The following ALG5 variants were observed in gnomAD, a reference collection of about 807,000 sequenced individuals.
The protein encoded by ALG5 is dolichyl-phosphate beta-glucosyltransferase.
A neutral mutation model predicts 51.8 loss-of-function variants in ALG5; 26 were observed. The ratio of observed to expected loss-of-function variants is 0.50; its 90% CI spans 0.37 to 0.70. ALG5 has a LOEUF of 0.70. Ranked by LOEUF, ALG5 falls within the 30% of genes least tolerant of loss-of-function variation. The pLI is 0.00. For synonymous variants in ALG5, 141 were observed against 136.1 expected, an observed-to-expected ratio of 1.04 and a Z score of -0.25; for missense variants, 311 against 399.3, an observed-to-expected ratio of 0.78 and a Z score of 1.88.
At chr13:36,973,181 C>T (rs1490089417) in intron 6 of ALG5, among the ~76,000 whole-genome samples, 2 of 148,310 alleles carry the variant, frequency 1.3e-5, no homozygotes, top group Non-Finnish European at 3.0e-5. Flanking sequence ...AGAAAAAAGC[C>T]AGGAAAATTC....
intron 4 of ALG5, 63 bp from the exon 5 acceptor site, chr13:36,989,639 T>C (rs189695360): frequency 7.4e-7 from 1 of 1,354,180 alleles, no homozygotes; most frequent in East Asian, 2.5e-5. Context: ...ATATAAGCTG[T>C]GTTTCTTGCT....
intron 6 of ALG5, among the ~76,000 whole-genome samples, chr13:36,984,088 CTTAG>C (rs902105951): frequency 1.3e-4 from 19 of 150,612 alleles, no homozygotes; most frequent in African/African-American, 4.4e-4. Context: ...AATTTGTTTC[CTTAG>C]TTCTGTAATT....
intron 6 of ALG5, among the ~76,000 whole-genome samples, chr13:36,984,784 G>A (rs1278559909): frequency 7.2e-5 from 11 of 152,002 alleles, no homozygotes; most frequent in Non-Finnish European, 5.9e-5. Context: ...GGAGCTCTAC[G>A]TGGCTTTGTT....
chr13:36,962,515 G>A (rs962131250), intron 8 of ALG5, among the ~76,000 whole-genome samples: 4 of 151,884 alleles, frequency 2.6e-5, no homozygotes, highest in East Asian at 3.9e-4. Context: ...AAAACAAACC[G>A]AGACAGGTTT....
chr13:36,974,285 T>C (rs2058939741), intron 6 of ALG5, among the ~76,000 whole-genome samples: 1 of 152,216 alleles, frequency 6.6e-6, no homozygotes, highest in African/African-American at 2.4e-5. Context: ...AGATGAAAAG[T>C]AGAGCTAGTT....
intron 8 of ALG5, among the ~76,000 whole-genome samples, chr13:36,955,842 C>T (rs866499341): frequency 1.1e-4 from 17 of 151,950 alleles, no homozygotes; most frequent in African/African-American, 3.9e-4. Context: ...AAACAAACCT[C>T]AACATGGATT....
chr13:36,963,596 G>A (rs1227640098), intron 8 of ALG5, among the ~76,000 whole-genome samples: 1 of 148,972 alleles, frequency 6.7e-6, no homozygotes, highest in African/African-American at 2.4e-5. Context: ...TATTAACTAT[G>A]AGTTTATTTT....
intron 6 of ALG5, among the ~76,000 whole-genome samples, chr13:36,980,867 G>A (rs1190680733): frequency 6.6e-6 from 1 of 152,024 alleles, no homozygotes; most frequent in East Asian, 1.9e-4. Context: ...CCAGCTACTC[G>A]GGAGGCTGAG....
intron 9 of ALG5, 119 bp downstream of exon 9, chr13:36,952,395 G>A: frequency 1.4e-6 from 1 of 690,980 alleles, no homozygotes; most frequent in Non-Finnish European, 2.4e-6. Context: ...GGATCTTTGA[G>A]TCAAGACAGC....
chr13:36,980,062 A>T (rs114620244), intron 6 of ALG5, among the ~76,000 whole-genome samples: 3,270 of 152,182 alleles, frequency 0.021, 116 homozygotes, highest in African/African-American at 0.074. Context: ...ATAATAATAA[A>T]AAATAAATAA....
intron 7 of ALG5, among the ~76,000 whole-genome samples, 169 bp from the exon 8 acceptor site, chr13:36,965,895 C>G (rs1164602148): frequency 2.0e-5 from 3 of 152,122 alleles, no homozygotes; most frequent in Non-Finnish European, 1.5e-5. Context: ...AAAGAAACAG[C>G]AAGAATGCCT....
intron 8 of ALG5, among the ~76,000 whole-genome samples, chr13:36,962,314 T>C (rs1242551303): frequency 1.3e-5 from 2 of 152,206 alleles, no homozygotes; most frequent in Non-Finnish European, 2.9e-5. Context: ...GGAACAAAGA[T>C]GTTTAAATAA....
intron 8 of ALG5, among the ~76,000 whole-genome samples, chr13:36,955,694 A>G (rs2058836729): frequency 7.6e-6 from 1 of 130,784 alleles, no homozygotes; most frequent in East Asian, 2.1e-4. Flanking sequence ...GTGAAAAAAA[A>G]AAAAAAAAAA....
rs1189388489 is a variant in ALG5 at position 36,975,143 on chromosome 13, G to A, written c.562-3107C>T. On this transcript the variant is annotated intron_variant, in intron 6 of 9. Coordinates refer to ENST00000239891, the MANE Select transcript of ALG5 (RefSeq NM_013338.5). The stretch of plus-strand genomic sequence containing the variant: ...GGAGAATTGCTTGAACTCAGGAGGC[G>A]GAGGGTGCAGTGAGCCAAGATTGCA... Among the ~76,000 whole-genome samples the A allele has an allele frequency of 4.6e-5, 7 of 152,112 alleles. No homozygotes were observed. In the South Asian group the frequency reaches 6.2e-4, roughly 14 times the overall value.
At chr13:36,953,221 T>C (rs2058825790) in intron 8 of ALG5, among the ~76,000 whole-genome samples, 1 of 152,208 alleles carries the variant, frequency 6.6e-6, no homozygotes, top group Non-Finnish European at 1.5e-5. Flanking sequence ...AATACATACA[T>C]AGGAATCTGA....
At chr13:36,982,129 G>T (rs1027010844) in intron 6 of ALG5, among the ~76,000 whole-genome samples, 1 of 152,024 alleles carries the variant, frequency 6.6e-6, no homozygotes, top group East Asian at 1.9e-4. Flanking sequence ...AACAAAAACC[G>T]TAAGAACTGA....
Position 36,995,594 on chromosome 13 carries a change from A to T in ALG5, c.69T>A (p.Ile23=), listed in dbSNP as rs746179191. The T allele has an allele frequency of 2.3e-5, 36 of 1,598,410 alleles. 1 individual carries two copies. The South Asian group carries it at 4.2e-4, about 18-fold the overall frequency. ...TAGCAGTTGTAAATGCAACGATGGA[A>T]ATCTAAAAGCAGACATACATGTCTT... ...AALAAAALVL[I]SIVAFTTATK... is the part of the protein sequence containing the mutation. Residue 23 remains isoleucine (I), a splice_region_variant and synonymous_variant, in exon 2 of 10, where the codon ATT becomes ATA. Coordinates refer to ENST00000239891, the MANE Select transcript of ALG5 (RefSeq NM_013338.5).
intron 6 of ALG5, among the ~76,000 whole-genome samples, chr13:36,977,820 ACGGTG>A (rs2058960144): frequency 8.1e-6 from 1 of 123,358 alleles, no homozygotes; most frequent in African/African-American, 3.0e-5. Context: ...AAAAACAAAA[ACGGTG>A]GTAAGAAGTA....
chr13:36,952,718 T>A, intron 8 of ALG5, 119 bp from the exon 9 acceptor site: 3 of 546,590 alleles, frequency 5.5e-6, no homozygotes, highest in Non-Finnish European at 9.3e-6. Flanking sequence ...ACCATAAATC[T>A]GAAGATCAGA....
Sources: allele counts gnomAD v4.1 joint callset (sites outside exome capture counted in the v4.1 genomes callset), GRCh38; gene constraint gnomAD v4.1.1; transcripts MANE v1.5; gene names NCBI Gene and HGNC (gene_info 2026-07-23, HGNC 2026-07-21).